The following DAG1 variants were observed in gnomAD, a reference collection of about 807,000 sequenced individuals.
DAG1 encodes the protein dystroglycan 1, also known as dystroglycan 1 (dystrophin-associated glycoprotein 1).
In DAG1, 8 loss-of-function variants were observed where a neutral mutation model predicts 46.1. That is an observed-to-expected ratio of 0.17 (90% CI 0.10 to 0.31). The LOEUF (loss-of-function observed/expected upper bound fraction) is 0.31, where lower values mean the gene tolerates loss of function less well. Among genes scored for constraint, DAG1 ranks in the 10% least tolerant of loss-of-function variants. DAG1 has a pLI of 1.00. For synonymous variants in DAG1, 495 were observed against 481.8 expected (o/e 1.03, Z -0.36); for missense variants, 1,003 against 1,189.9 (o/e 0.84, Z 2.31).
intron 1 of DAG1, among the ~76,000 whole-genome samples, chr3:49,489,126 G>A (rs1402322779): frequency 6.9e-6 from 1 of 144,620 alleles, no homozygotes; most frequent in African/African-American, 2.6e-5. Flanking sequence ...ACACAGTTTT[G>A]CTCTTGTTGC....
chr3:49,499,962 A>G (rs566980762), intron 1 of DAG1, among the ~76,000 whole-genome samples: 78 of 148,522 alleles, frequency 5.3e-4, no homozygotes, highest in African/African-American at 1.3e-3. Flanking sequence ...ATAACTTGAC[A>G]TTTTACTTCT....
intron 1 of DAG1, among the ~76,000 whole-genome samples, chr3:49,505,626 C>T (rs993733908): frequency 1.3e-5 from 2 of 152,068 alleles, no homozygotes; most frequent in Non-Finnish European, 2.9e-5. Context: ...ACAATTATGT[C>T]ATCTGCAAAT....
intron 1 of DAG1, among the ~76,000 whole-genome samples, chr3:49,491,477 TTTTTTTTTTC>T (rs1326694153): frequency 4.9e-4 from 72 of 146,382 alleles, no homozygotes; most frequent in Non-Finnish European, 9.3e-4. Flanking sequence ...TGTCCTGCTA[TTTTTTTTTTC>T]TTTTTTTTGA....
chr3:49,477,729 AT>A (rs1344644641), intron 1 of DAG1, among the ~76,000 whole-genome samples: 6 of 152,130 alleles, frequency 3.9e-5, no homozygotes, highest in Middle Eastern at 3.4e-3. Flanking sequence ...TGGGAGGCCG[AT>A]GTGCACAGAT....
rs1233642864 is a variant in DAG1, at chr3:49,532,645, A to G, written c.2134A>G (p.Ser712Gly). The stretch of plus-strand genomic sequence containing the variant: ...AAGCATCACTGTGACGGGCTCTGGC[A>G]GTTGTCGGCACCTACAGTTTATCCC... ...ATSITVTGSGSCRHLQFIPVV... is the reference protein window; with the variant it reads ...ATSITVTGSGGCRHLQFIPVV... Residue 712 changes from serine to glycine, a missense_variant, in exon 3 of 3, where the codon AGT becomes GGT. Transcript: ENST00000308775. This position sits in a 1 kb window ranked among gnomAD's most constrained non-coding sequence, Gnocchi z 5.4. 6.2e-7 allele frequency: 1 copy of G among 1,613,930 alleles called. No homozygotes were observed. Among genetic ancestry groups the G allele is most frequent in the African/African-American group, 1.3e-5 (1 of 74,930 alleles).
At chr3:49,478,802 C>CCTTTTTTT in intron 1 of DAG1, among the ~76,000 whole-genome samples, 1 of 76,000 alleles carries the variant, frequency 1.3e-5, no homozygotes, top group Non-Finnish European at 2.4e-5. Flanking sequence ...CGTCCCCTCC[C>CCTTTTTTT]TTTTTTTTTT....
chr3:49,519,038 C>T (rs182301771), intron 2 of DAG1, among the ~76,000 whole-genome samples: 1 of 152,258 alleles, frequency 6.6e-6, no homozygotes, highest in African/African-American at 2.4e-5. Flanking sequence ...GGGGATGGGT[C>T]CCACAGAAGC....
At chr3:49,527,876 G>A (rs1054189561) in intron 2 of DAG1, among the ~76,000 whole-genome samples, 8 of 152,130 alleles carry the variant, frequency 5.3e-5, no homozygotes, top group Non-Finnish European at 7.3e-5. Flanking sequence ...TCTGCAGTTG[G>A]CTTCTCCTTA....
intron 2 of DAG1, among the ~76,000 whole-genome samples, chr3:49,527,963 G>A (rs1421310428): frequency 6.6e-6 from 1 of 152,034 alleles, no homozygotes; most frequent in Non-Finnish European, 1.5e-5. Flanking sequence ...GTGAGCTCGT[G>A]TCCTACTGGT....
rs772653273 is a variant in DAG1, at chr3:49,499,967, ACTT to A, written c.-116-10442_-116-10440del. 3.3e-4 allele frequency among the ~76,000 whole-genome samples: 49 copies of A among 148,546 alleles called. 1 individual carries two copies. Among genetic ancestry groups the A allele is most frequent in the South Asian group, 3.2e-3 (15 of 4,730 alleles). On this transcript the variant is annotated intron_variant, in intron 1 of 2. Coordinates refer to ENST00000308775, the MANE Select transcript of DAG1 (RefSeq NM_004393.6). Reference sequence around the variant, plus strand: ...GGTATTATTGATAACTTGACATTTTACTTCTTCTTCTTTTTTTTTTTTTTTGAG... The same window carrying A: ...GGTATTATTGATAACTTGACATTTTACTTCTTCTTTTTTTTTTTTTTTGAG...
chr3:49,519,557 C>T (rs1401053985), intron 2 of DAG1, among the ~76,000 whole-genome samples: 1 of 152,182 alleles, frequency 6.6e-6, no homozygotes, highest in African/African-American at 2.4e-5. Flanking sequence ...GTGAGATGAG[C>T]TGCAGTTTCT....
At chr3:49,482,366 C>T (rs1042760854) in intron 1 of DAG1, among the ~76,000 whole-genome samples, 8 of 152,262 alleles carry the variant, frequency 5.3e-5, no homozygotes, top group Admixed American at 3.3e-4. Flanking sequence ...AGAGGAAAGC[C>T]GCTTGCAGTT....
chr3:49,491,755 C>T lies in DAG1; in HGVS notation c.-116-18664C>T, dbSNP rs1192860152. On this transcript the variant is annotated intron_variant, in intron 1 of 2. Coordinates refer to ENST00000308775, the MANE Select transcript of DAG1 (RefSeq NM_004393.6). The stretch of plus-strand genomic sequence containing the variant: ...CCTCCCAAAGTGCTAGGATTACAGG[C>T]GTGAGCCACCGCGCCCGGCCTGTCC... Among the ~76,000 whole-genome samples the T allele has an allele frequency of 3.3e-5, 5 of 152,158 alleles. No individual in the cohort carries two copies. In the East Asian group the frequency reaches 7.8e-4, roughly 24 times the overall value.
chr3:49,526,569 T>A (rs2051177861), intron 2 of DAG1, among the ~76,000 whole-genome samples: 1 of 151,800 alleles, frequency 6.6e-6, no homozygotes, highest in Non-Finnish European at 1.5e-5. Context: ...AAAAAAAAAT[T>A]AGCCGGGCAT....
intron 1 of DAG1, among the ~76,000 whole-genome samples, chr3:49,502,830 G>T (rs1358227436): frequency 1.3e-5 from 2 of 151,718 alleles, no homozygotes; most frequent in African/African-American, 4.8e-5. Flanking sequence ...GTACAGACGG[G>T]GTTTCACCAT....
chr3:49,497,799 C>A (rs1289618668), intron 1 of DAG1, among the ~76,000 whole-genome samples: 1 of 152,162 alleles, frequency 6.6e-6, no homozygotes. Context: ...ATGTTAAAAT[C>A]TACTCAGATT....
chr3:49,495,862 G>A (rs1300556371), intron 1 of DAG1, among the ~76,000 whole-genome samples: 1 of 152,042 alleles, frequency 6.6e-6, no homozygotes, highest in Non-Finnish European at 1.5e-5. Context: ...AGAGTTTGCA[G>A]TGAGCCGAGA....
At chr3:49,484,797 C>CT (rs1019383704) in intron 1 of DAG1, among the ~76,000 whole-genome samples, 1,706 of 138,542 alleles carry the variant, frequency 0.012, 34 homozygotes, top group African/African-American at 0.036. Flanking sequence ...GCCATTGCTG[C>CT]TTTTTTTTTT....
At chr3:49,470,251 C>A (rs2049468225), upstream of DAG1, 1 of 151,774 alleles carries the variant, frequency 6.6e-6, no homozygotes, top group African/African-American at 2.4e-5. Context: ...CCCGCCCTTG[C>A]GCTCAGCGCC....
Sources: allele counts gnomAD v4.1 joint callset (sites outside exome capture counted in the v4.1 genomes callset), GRCh38; gene constraint gnomAD v4.1.1; non-coding constraint Gnocchi (gnomAD v3.1); transcripts MANE v1.5; gene names NCBI Gene and HGNC (gene_info 2026-07-23, HGNC 2026-07-21).